SYNE2: variants seen among roughly 807,000 people sequenced by gnomAD.
The protein encoded by SYNE2 is spectrin repeat containing nuclear envelope protein 2, also known as nesprin-2.
In SYNE2, 431 loss-of-function variants were observed where a neutral mutation model predicts 856.3. The ratio of observed to expected loss-of-function variants is 0.50; its 90% CI spans 0.47 to 0.55. SYNE2 has a LOEUF of 0.55. SYNE2 is among the 20% of genes least tolerant of loss of function. SYNE2 has a pLI of 0.00. For synonymous variants in SYNE2, 2,923 were observed against 2,872.3 expected (o/e 1.02, Z -0.56); for missense variants, 8,129 against 8,023.2 (o/e 1.01, Z -0.50).
At chr14:63,916,419 C>T (rs976901685) in intron 2 of SYNE2, among the ~76,000 whole-genome samples, 1 of 152,138 alleles carries the variant, frequency 6.6e-6, no homozygotes, top group Non-Finnish European at 1.5e-5. Context: ...ATATCACTTC[C>T]TGCAATAATC....
At chr14:64,024,555 A>C (rs139687936) in intron 39 of SYNE2, 96 bp downstream of exon 39, 1 of 1,211,464 alleles carries the variant, frequency 8.3e-7, no homozygotes, top group East Asian at 2.5e-5. Flanking sequence ...TACGCAGTAC[A>C]CACAAATTTC....
chr14:63,967,867 G>C, intron 11 of SYNE2, 21 bp downstream of exon 11: 1 of 1,613,096 alleles, frequency 6.2e-7, no homozygotes, highest in Non-Finnish European at 8.5e-7. Context: ...GTGTTGATTA[G>C]AAGAATATTT....
intron 1 of SYNE2, among the ~76,000 whole-genome samples, chr14:63,826,108 C>T (rs1889419700): frequency 6.6e-6 from 1 of 152,038 alleles, no homozygotes; most frequent in Non-Finnish European, 1.5e-5. Context: ...AAAAAAGTAA[C>T]TAAGTTGGAG....
At chr14:64,126,871 C>T (rs1023953986) in intron 73 of SYNE2, 64 bp downstream of exon 73, 1 of 1,451,436 alleles carries the variant, frequency 6.9e-7, no homozygotes, top group Non-Finnish European at 9.5e-7. Flanking sequence ...ACCCCTAATG[C>T]CTATTCCTAT....
chr14:64,167,125 GC>G, intron 90 of SYNE2, 107 bp from the exon 91 acceptor site: 1 of 1,405,314 alleles, frequency 7.1e-7, no homozygotes, highest in Non-Finnish European at 9.9e-7. Flanking sequence ...CAAGTCATTT[GC>G]CTGTTCAGGC....
intron 1 of SYNE2, among the ~76,000 whole-genome samples, chr14:63,824,118 C>CTCTA (rs1889328381): frequency 6.6e-6 from 1 of 152,196 alleles, no homozygotes; most frequent in East Asian, 1.9e-4. Context: ...GCAGGCAGAT[C>CTCTA]ACTTGAGCTC....
chr14:63,919,394 G>A (rs918972098), intron 2 of SYNE2, among the ~76,000 whole-genome samples: 1 of 152,186 alleles, frequency 6.6e-6, no homozygotes, highest in Non-Finnish European at 1.5e-5. Context: ...GCAAAGTGCA[G>A]CATGGAAGCG....
chr14:63,875,357 A>G (rs1372934041), intron 1 of SYNE2, among the ~76,000 whole-genome samples: 1 of 152,222 alleles, frequency 6.6e-6, no homozygotes, highest in Admixed American at 6.5e-5. Context: ...CTTCCTTCTC[A>G]TAGCATCTTT....
At chr14:64,044,150 G>A (rs2097169037) in intron 45 of SYNE2, among the ~76,000 whole-genome samples, 1 of 152,212 alleles carries the variant, frequency 6.6e-6, no homozygotes, top group Non-Finnish European at 1.5e-5. Context: ...ACCCTGCAAA[G>A]CCACAGGTGC....
chr14:64,191,038 G>A (rs757476732), intron 99 of SYNE2: 10 of 702,098 alleles, frequency 1.4e-5, no homozygotes, highest in Non-Finnish European at 2.3e-5. Context: ...ATAGCAGTGT[G>A]CTCAGATGTT....
rs1159703119 is a variant in SYNE2, at chr14:63,797,080, A to C, written c.-305+35094A>C. On this transcript the variant is annotated intron_variant, in intron 1 of 23. Transcript: ENST00000674003. Reference sequence around the variant, plus strand: ...GGTAACAGAGTAAGACTTCATCTCAAAAAAAAAAAAAAAAGAAAAGAAAAG... The same window carrying C: ...GGTAACAGAGTAAGACTTCATCTCACAAAAAAAAAAAAAAGAAAAGAAAAG... Among the ~76,000 whole-genome samples the C allele has an allele frequency of 2.7e-5, 3 of 112,658 alleles. No homozygotes were observed. The Admixed American group carries it at 2.9e-4, about 11-fold the overall frequency. 73.9% of individuals were successfully genotyped at this position (112,658 alleles called of 152,430 possible). A position where few individuals can be genotyped will look rare whatever the true frequency, so the allele number is the denominator to read the frequency against.
intron 2 of SYNE2, among the ~76,000 whole-genome samples, chr14:63,924,775 A>T (rs1233781134): frequency 1.4e-5 from 2 of 144,950 alleles, no homozygotes; most frequent in African/African-American, 5.1e-5. Flanking sequence ...GATATTCTGC[A>T]TAAAAGTTCA....
chr14:63,789,369 G>A (rs953486621), intron 1 of SYNE2, among the ~76,000 whole-genome samples: 1 of 152,126 alleles, frequency 6.6e-6, no homozygotes, highest in Non-Finnish European at 1.5e-5. Flanking sequence ...TTTCAGAAGA[G>A]CATATCTCTA....
intron 49 of SYNE2, among the ~76,000 whole-genome samples, chr14:64,058,030 T>C (rs546672657): frequency 6.6e-6 from 1 of 152,334 alleles, no homozygotes; most frequent in East Asian, 1.9e-4. Context: ...CCTTGTCAGA[T>C]GGGTAGCTTG....
intron 99 of SYNE2, among the ~76,000 whole-genome samples, chr14:64,198,496 C>G (rs1489216523): frequency 1.3e-5 from 2 of 152,190 alleles, no homozygotes; most frequent in East Asian, 3.8e-4. Flanking sequence ...AAGTTGTTAC[C>G]TGATGATCAG....
chr14:64,082,838 C>T lies in SYNE2; in HGVS notation c.11484+1258C>T, dbSNP rs114985994. Among the ~76,000 whole-genome samples, 1,297 of 152,306 alleles carry T rather than the reference C, an allele frequency of 8.5e-3. 20 individuals carry two copies. Among genetic ancestry groups the T allele is most frequent in the African/African-American group, 0.03 (1,239 of 41,550 alleles). On this transcript the variant is annotated intron_variant, in intron 57 of 115. Transcript: ENST00000555002. ...CACACCATGATTCCAAATTTCCTGT[C>T]CTTGCTGGTACTCCACACATGCCCC...
chr14:63,841,165 T>C (rs1890055610), intron 1 of SYNE2, among the ~76,000 whole-genome samples: 1 of 152,180 alleles, frequency 6.6e-6, no homozygotes, highest in Non-Finnish European at 1.5e-5. Flanking sequence ...TGAGAGCAGA[T>C]ACTCCACAGC....
rs776766890 is a variant in SYNE2 at position 64,174,971 on chromosome 14, C to T, written c.17263C>T (p.Arg5755Ter). The change falls in exon 95 of 116, where the codon CGA (arginine) becomes TGA (stop). Residue 5755 changes from arginine (R) to a stop codon, truncating the protein, a stop_gained. Transcript: ENST00000555002. LOFTEE classifies it high-confidence loss of function. ...KNKEIHFQRR[R>*]TTCALTLEAG... The stretch of plus-strand genomic sequence containing the variant: ...TAAAGAAATTCATTTTCAAAGGAGG[C>T]GAACTACCTGTGCCCTAACCTTGGA... 12 of 1,613,988 alleles carry T rather than the reference C, an allele frequency of 7.4e-6. No individual in the cohort carries two copies. Among genetic ancestry groups the T allele is most frequent in the Non-Finnish European group, 9.3e-6 (11 of 1,179,974 alleles).
At chr14:63,762,038 T>C (rs1886504591) in intron 1 of SYNE2, 1 of 501,122 alleles carries the variant, frequency 2.0e-6, no homozygotes, top group Non-Finnish European at 4.1e-6. Context: ...CTAGTCGTTC[T>C]TGACTCAGGA....
Sources: gnomAD v4.1 joint callset for allele counts (sites outside exome capture counted in the v4.1 genomes callset) on GRCh38, gnomAD v4.1.1 for gene constraint, MANE v1.5 for transcripts, NCBI Gene and HGNC (gene_info 2026-07-23, HGNC 2026-07-21) for gene names.